Variants in UTP4 observed in about 807,000 individuals in gnomAD.
The protein encoded by UTP4 is UTP4 small subunit processome component.
Under a neutral mutation model 82.4 loss-of-function variants are expected in UTP4, and 45 were observed. The ratio of observed to expected loss-of-function variants is 0.55; its 90% CI spans 0.43 to 0.70. The LOEUF is 0.70. UTP4 is among the 30% of genes least tolerant of loss of function. UTP4 has a pLI of 0.00. For synonymous variants in UTP4, 348 were observed against 300.3 expected, an observed-to-expected ratio of 1.16 and a Z score of -1.64; for missense variants, 819 against 858.3, an observed-to-expected ratio of 0.95 and a Z score of 0.57.
intron 5 of UTP4, among the ~76,000 whole-genome samples, chr16:69,142,483 A>G (rs1464381036): frequency 6.6e-6 from 1 of 152,168 alleles, no homozygotes; most frequent in African/African-American, 2.4e-5. Context: ...CTTCTTAGTC[A>G]GGGCATGGCT....
chr16:69,162,548 C>T (rs990862990), intron 13 of UTP4, among the ~76,000 whole-genome samples: 1 of 151,852 alleles, frequency 6.6e-6, no homozygotes, highest in Non-Finnish European at 1.5e-5. Flanking sequence ...CCCGTCTCTA[C>T]TAAAAATACA....
At chr16:69,162,529 T>G (rs572610622) in intron 13 of UTP4, among the ~76,000 whole-genome samples, 44 of 151,592 alleles carry the variant, frequency 2.9e-4, no homozygotes, top group Middle Eastern at 3.2e-3. Context: ...CTGGCCAACA[T>G]GGTGAAACCC....
intron 12 of UTP4, among the ~76,000 whole-genome samples, chr16:69,159,992 AAAAAAC>A (rs1205425041): frequency 2.0e-5 from 3 of 151,950 alleles, no homozygotes; most frequent in Non-Finnish European, 2.9e-5. Context: ...CTCAAAAAAA[AAAAAAC>A]AAAAAACAGA....
At chr16:69,153,744 C>T (rs1304236060) in intron 9 of UTP4, 64 bp downstream of exon 9, 7 of 1,122,336 alleles carry the variant, frequency 6.2e-6, no homozygotes, top group East Asian at 4.8e-5. Flanking sequence ...ATCAGAATTG[C>T]GGTTGGAATT....
chr16:69,143,073 G>T (rs191682652), intron 5 of UTP4, 105 bp from the exon 6 acceptor site: 55 of 1,179,932 alleles, frequency 4.7e-5, no homozygotes, highest in Non-Finnish European at 6.7e-5. Context: ...GCCTAGGCTG[G>T]CCTTAAACTC....
intron 14 of UTP4, among the ~76,000 whole-genome samples, chr16:69,164,583 T>C (rs1320975726): frequency 1.0e-5 from 1 of 98,680 alleles, no homozygotes; most frequent in African/African-American, 3.8e-5. Context: ...TTCTAATCAT[T>C]CTTTATATAT....
At chr16:69,149,085 A>G (rs569587436) in intron 6 of UTP4, among the ~76,000 whole-genome samples, 2 of 152,066 alleles carry the variant, frequency 1.3e-5, no homozygotes, top group Admixed American at 1.3e-4. Flanking sequence ...GTCTATACTG[A>G]AAAATAAATA....
chr16:69,160,223 A>G, intron 12 of UTP4, 133 bp from the exon 13 acceptor site: 1 of 782,262 alleles, frequency 1.3e-6, no homozygotes, highest in South Asian at 1.4e-5. Context: ...AGTAATTTGC[A>G]CAGTGATCAG....
At chr16:69,136,590 A>G (rs1962819791) in intron 2 of UTP4, 106 bp from the exon 3 acceptor site, 5 of 1,036,120 alleles carry the variant, frequency 4.8e-6, no homozygotes, top group Non-Finnish European at 7.6e-6. Context: ...AAAACCCCAC[A>G]CTAGTTATTT....
rs369181053 is a variant in UTP4, at chr16:69,154,386, G to T, written c.1100-7G>T. ...AAGAAAAATCTCAGGGAAGTTTCTT[G>T]TTTCAGGCAAGAATGGGGATACTCT... is the stretch of plus-strand genomic sequence containing the variant. On this transcript the variant is annotated splice_polypyrimidine_tract_variant and splice_region_variant and intron_variant, in intron 9 of 16. Coordinates refer to ENST00000314423, the MANE Select transcript of UTP4 (RefSeq NM_032830.3). 3 of 1,606,842 alleles carry T rather than the reference G, an allele frequency of 1.9e-6. No homozygotes were observed. In the African/African-American group the frequency reaches 4.0e-5, roughly 21 times the overall value.
chr16:69,145,484 C>CT (rs1427667097), intron 6 of UTP4, among the ~76,000 whole-genome samples: 9 of 152,008 alleles, frequency 5.9e-5, no homozygotes, highest in Non-Finnish European at 1.2e-4. Context: ...AACTCCTGAC[C>CT]TCAGGTGATC....
chr16:69,168,300 G>C (rs901855268), intron 16 of UTP4, among the ~76,000 whole-genome samples: 2 of 152,082 alleles, frequency 1.3e-5, no homozygotes, highest in African/African-American at 2.4e-5. Flanking sequence ...GCCGGGCGTG[G>C]TGGTGGGCAC....
chr16:69,154,112 A>C (rs996305742), intron 9 of UTP4, among the ~76,000 whole-genome samples: 2 of 152,186 alleles, frequency 1.3e-5, no homozygotes, highest in African/African-American at 2.4e-5. Context: ...TCTCATTTGC[A>C]GTGGATTAAA....
intron 6 of UTP4, among the ~76,000 whole-genome samples, chr16:69,147,132 G>T (rs965471722): frequency 6.8e-6 from 1 of 147,034 alleles, no homozygotes. Context: ...AGCTGAGATC[G>T]TGCCATTGCA....
chr16:69,165,472 G>A lies in UTP4; in HGVS notation c.1779G>A (p.Pro593=), dbSNP rs375859741. Reference sequence around the variant, plus strand: ...ACATCAGTTTTCATCCCAAGAGACCGATGCACATCCTTCTCCATGATGCCT... The same window carrying A: ...ACATCAGTTTTCATCCCAAGAGACCAATGCACATCCTTCTCCATGATGCCT... The part of the protein sequence containing the change: ...ITHISFHPKR[P]MHILLHDAYM... The change falls in exon 15 of 17, where the codon CCG becomes CCA. Residue 593 remains proline (P), a synonymous_variant. Transcript: ENST00000314423. 65 of 1,613,956 alleles carry A rather than the reference G, an allele frequency of 4.0e-5. No individual in the cohort carries two copies. Among genetic ancestry groups the A allele is most frequent in the East Asian group, 6.7e-5 (3 of 44,890 alleles).
At chr16:69,134,313 T>G (rs1398222934) in intron 2 of UTP4, among the ~76,000 whole-genome samples, 1 of 151,962 alleles carries the variant, frequency 6.6e-6, no homozygotes, top group Non-Finnish European at 1.5e-5. Context: ...ACCTGGAATT[T>G]AGGCATTCTG....
chr16:69,164,366 A>C (rs1963644121), intron 14 of UTP4, among the ~76,000 whole-genome samples: 1 of 151,994 alleles, frequency 6.6e-6, no homozygotes, highest in South Asian at 2.1e-4. Context: ...TAGTCCCTTA[A>C]GTGCTTCTGA....
Position 69,150,634 on chromosome 16 carries a change from G to A in UTP4, c.836G>A (p.Arg279Gln), listed in dbSNP as rs142294965. Reference protein sequence around the residue: ...TSNSSEKQWVRTKPFQHHTHD... With the variant: ...TSNSSEKQWVQTKPFQHHTHD... Reference sequence around the variant, plus strand: ...AACAGCAGTGAGAAGCAGTGGGTGCGGACAAAACCGTTCCAGCATCACACT... The same window carrying A: ...AACAGCAGTGAGAAGCAGTGGGTGCAGACAAAACCGTTCCAGCATCACACT... Residue 279 changes from arginine (R) to glutamine (Q), a missense_variant, in exon 7 of 17, where the codon CGG (arginine) becomes CAG (glutamine). By Grantham distance (43) the Arg-to-Gln change is conservative. Transcript: ENST00000314423. The A allele has an allele frequency of 2.7e-5, 44 of 1,614,180 alleles. No individual in the cohort carries two copies. In the African/African-American group the frequency reaches 3.5e-4, roughly 13 times the overall value.
intron 6 of UTP4, among the ~76,000 whole-genome samples, chr16:69,144,343 C>T (rs1054832436): frequency 3.9e-5 from 6 of 152,014 alleles, no homozygotes; most frequent in African/African-American, 1.4e-4. Flanking sequence ...AGATTACAGG[C>T]GCCCGCCTCT....
Sources: allele counts gnomAD v4.1 joint callset (sites outside exome capture counted in the v4.1 genomes callset), GRCh38; gene constraint gnomAD v4.1.1; transcripts MANE v1.5; gene names NCBI Gene and HGNC (gene_info 2026-07-23, HGNC 2026-07-21).